C1QTNF3: variants seen among roughly 807,000 people sequenced by gnomAD.
The protein encoded by C1QTNF3 is complement C1q tumor necrosis factor-related protein 3.
A neutral mutation model predicts 32.6 loss-of-function variants in C1QTNF3; 26 were observed. The observed-to-expected ratio is 0.80, with a 90% CI of 0.58 to 1.11. C1QTNF3 has a LOEUF of 1.11. C1QTNF3 is among the 50% of genes least tolerant of loss of function. The pLI is 0.00. For missense variants in C1QTNF3, 362 were observed against 398.2 expected, an observed-to-expected ratio of 0.91 and a Z score of 0.77; for synonymous variants, 155 against 146.0, an observed-to-expected ratio of 1.06 and a Z score of -0.44.
chr5:34,080,609 C>T, the C1QTNF3 span, among the ~76,000 whole-genome samples: 1 of 151,822 alleles, frequency 6.6e-6, no homozygotes, highest in South Asian at 2.1e-4. Flanking sequence ...ATTTTACAGG[C>T]AGCCTATGAA....
the C1QTNF3 span, among the ~76,000 whole-genome samples, chr5:34,075,744 T>C: frequency 2.0e-5 from 3 of 151,484 alleles, no homozygotes; most frequent in South Asian, 2.1e-4. Flanking sequence ...TGGGGATATA[T>C]TTTAAAAAAA....
chr5:34,089,945 GC>G, the C1QTNF3 span, among the ~76,000 whole-genome samples: 1 of 152,186 alleles, frequency 6.6e-6, no homozygotes, highest in Non-Finnish European at 1.5e-5. Flanking sequence ...TTATGACGGA[GC>G]TGCATATGTC....
chr5:34,099,434 T>TA, the C1QTNF3 span, among the ~76,000 whole-genome samples: 2 of 152,188 alleles, frequency 1.3e-5, no homozygotes, highest in African/African-American at 2.4e-5. Flanking sequence ...TTGCTAAATT[T>TA]AAAAAATCAT....
At chr5:34,070,664 G>A in the C1QTNF3 span, among the ~76,000 whole-genome samples, 1 of 144,860 alleles carries the variant, frequency 6.9e-6, no homozygotes, top group Non-Finnish European at 1.5e-5. Context: ...ATTGATAAGT[G>A]AATTTTTGGT....
At chr5:34,205,643 G>T in the C1QTNF3 span, among the ~76,000 whole-genome samples, 1 of 151,828 alleles carries the variant, frequency 6.6e-6, no homozygotes, top group African/African-American at 2.4e-5. Flanking sequence ...GAACTGTGAG[G>T]CAATTAAAGC....
chr5:34,222,464 TAAATG>T, the C1QTNF3 span, among the ~76,000 whole-genome samples: 2 of 151,568 alleles, frequency 1.3e-5, no homozygotes, highest in South Asian at 2.1e-4. Context: ...GCAAAAATAT[TAAATG>T]AAAAGTATAT....
the C1QTNF3 span, among the ~76,000 whole-genome samples, chr5:34,084,532 A>G: frequency 2.0e-5 from 3 of 151,480 alleles, no homozygotes; most frequent in Non-Finnish European, 4.4e-5. Context: ...GCAGCCCTAC[A>G]TAAGGGCGAA....
chr5:34,021,277 C>G (rs1198260242), intron 5 of C1QTNF3, among the ~76,000 whole-genome samples: 2 of 152,136 alleles, frequency 1.3e-5, no homozygotes, highest in African/African-American at 4.8e-5. Context: ...TCTGGGAAAG[C>G]AGAAGATCCA....
chr5:34,057,167 C>G, the C1QTNF3 span, among the ~76,000 whole-genome samples: 4 of 152,146 alleles, frequency 2.6e-5, no homozygotes, highest in African/African-American at 9.7e-5. Flanking sequence ...ATGCGACAAA[C>G]AGCGATCCAA....
the C1QTNF3 span, among the ~76,000 whole-genome samples, chr5:34,138,961 A>G: frequency 6.6e-6 from 1 of 151,866 alleles, no homozygotes; most frequent in African/African-American, 2.4e-5. Context: ...AACAAAACCA[A>G]TGTTAGGGAT....
the C1QTNF3 span, among the ~76,000 whole-genome samples, chr5:34,214,806 G>C: frequency 1.3e-5 from 2 of 152,124 alleles, no homozygotes; most frequent in Non-Finnish European, 2.9e-5. Context: ...AACTTAAAGA[G>C]ATATTATCTT....
intron 5 of C1QTNF3, 52 bp from the exon 6 acceptor site, chr5:34,020,794 C>A (rs547644888): frequency 6.2e-5 from 98 of 1,568,344 alleles, no homozygotes; most frequent in South Asian, 6.2e-4. Flanking sequence ...GAACAACCAG[C>A]TCTTCACCAA....
the C1QTNF3 span, among the ~76,000 whole-genome samples, chr5:34,214,713 C>T: frequency 2.0e-5 from 3 of 152,034 alleles, no homozygotes; most frequent in Non-Finnish European, 4.4e-5. Context: ...TGTCAAAGAG[C>T]TATCTCCTTG....
the C1QTNF3 span, among the ~76,000 whole-genome samples, chr5:34,139,920 G>C: frequency 1.4e-4 from 22 of 152,106 alleles, no homozygotes; most frequent in Non-Finnish European, 3.1e-4. Flanking sequence ...TGCTAAACTG[G>C]ACACCACAGA....
chr5:34,126,389 T>G, the C1QTNF3 span, among the ~76,000 whole-genome samples: 12 of 150,142 alleles, frequency 8.0e-5, no homozygotes, highest in Admixed American at 8.1e-4. Context: ...ATATATTTAC[T>G]GCATTAAATA....
chr5:34,139,765 A>G, the C1QTNF3 span, among the ~76,000 whole-genome samples: 1 of 152,192 alleles, frequency 6.6e-6, no homozygotes, highest in Non-Finnish European at 1.5e-5. Flanking sequence ...CCAAAATTAA[A>G]AGAAATTAGC....
At chr5:34,209,051 T>C in the C1QTNF3 span, among the ~76,000 whole-genome samples, 1 of 152,194 alleles carries the variant, frequency 6.6e-6, no homozygotes, top group Non-Finnish European at 1.5e-5. Flanking sequence ...GTAAACCTCC[T>C]ATAATACGAG....
chr5:34,168,823 G>A, the C1QTNF3 span: 2 of 151,520 alleles, frequency 1.3e-5, no homozygotes, highest in African/African-American at 2.4e-5. Flanking sequence ...GAAGACCATC[G>A]GGCCACCTAG....
At chr5:34,061,887 A>G in the C1QTNF3 span, among the ~76,000 whole-genome samples, 1 of 152,078 alleles carries the variant, frequency 6.6e-6, no homozygotes, top group Non-Finnish European at 1.5e-5. Context: ...CTCACTACTT[A>G]TGAAAATTTT....
Sources: gnomAD v4.1 joint callset for allele counts (sites outside exome capture counted in the v4.1 genomes callset) on GRCh38, gnomAD v4.1.1 for gene constraint, MANE v1.5 for transcripts, NCBI Gene and HGNC (gene_info 2026-07-23, HGNC 2026-07-21) for gene names.